Variants in FMNL2 observed in about 807,000 individuals in gnomAD.
FMNL2 encodes formin-like protein 2.
Under a neutral mutation model 130.2 loss-of-function variants are expected in FMNL2, and 51 were observed. The observed-to-expected ratio is 0.39, with a 90% CI of 0.31 to 0.49. The LOEUF is 0.49. Among genes scored for constraint, FMNL2 ranks in the 20% least tolerant of loss-of-function variants. The probability of loss-of-function intolerance (pLI) is 0.85; values close to 1 mark genes in which losing one functional copy is unlikely to be tolerated. For synonymous variants in FMNL2, 465 were observed against 467.1 expected, an observed-to-expected ratio of 1.00 and a Z score of 0.06; for missense variants, 977 against 1,316.2, an observed-to-expected ratio of 0.74 and a Z score of 3.99.
At chr2:152,469,417 T>C (rs2105172230) in intron 1 of FMNL2, among the ~76,000 whole-genome samples, 1 of 152,352 alleles carries the variant, frequency 6.6e-6, no homozygotes, top group East Asian at 1.9e-4. Context: ...TTCTGACTAC[T>C]TTTCTCTAGC....
chr2:152,483,767 T>C (rs771043342), intron 1 of FMNL2, among the ~76,000 whole-genome samples: 4 of 152,258 alleles, frequency 2.6e-5, no homozygotes, highest in Admixed American at 6.5e-5. Flanking sequence ...CACATGTTTC[T>C]AGACTACTGT....
At chr2:152,381,484 G>A (rs1684458903) in intron 1 of FMNL2, among the ~76,000 whole-genome samples, 1 of 152,198 alleles carries the variant, frequency 6.6e-6, no homozygotes, top group Admixed American at 6.5e-5. Context: ...TCACAGCAGA[G>A]ATCATATTTG....
At chr2:152,499,920 C>A (rs1019688307) in intron 1 of FMNL2, among the ~76,000 whole-genome samples, 1 of 152,042 alleles carries the variant, frequency 6.6e-6, no homozygotes, top group Non-Finnish European at 1.5e-5. Context: ...TGGCTAAAAC[C>A]CGACTCTGGA....
At chr2:152,409,149 A>G (rs1686153072) in intron 1 of FMNL2, among the ~76,000 whole-genome samples, 1 of 152,216 alleles carries the variant, frequency 6.6e-6, no homozygotes, top group African/African-American at 2.4e-5. Context: ...TCATTTATAT[A>G]ACAAGATACT....
intron 1 of FMNL2, among the ~76,000 whole-genome samples, chr2:152,418,219 A>G (rs963669748): frequency 9.9e-5 from 15 of 152,190 alleles, no homozygotes; most frequent in Admixed American, 4.6e-4. Flanking sequence ...CCCTTAGTCC[A>G]TTGCATTTAC....
intron 10 of FMNL2, among the ~76,000 whole-genome samples, chr2:152,610,583 A>G (rs13403239): frequency 0.44 from 67,203 of 152,086 alleles, 15,565 homozygotes; most frequent in East Asian, 0.63. Context: ...GGTTTTTATC[A>G]TTTAACATGT....
rs1181973448 is a variant in FMNL2, at chr2:152,431,210, T to A, written c.118-90733T>A. Among the ~76,000 whole-genome samples, 4 of 152,218 alleles carry A rather than the reference T, an allele frequency of 2.6e-5. No individual in the cohort carries two copies. The East Asian group carries it at 7.7e-4, about 29-fold the overall frequency. On this transcript the variant is annotated intron_variant, in intron 1 of 25. Transcript: ENST00000288670. ...GCTTTAAATCATCTTCCTTGAATAT[T>A]AATTCTCTGTTGCTTCCTCCAAAAA...
chr2:152,337,391 C>CTGTGTGTG (rs10524595), intron 1 of FMNL2, among the ~76,000 whole-genome samples: 129 of 143,538 alleles, frequency 9.0e-4, no homozygotes, highest in African/African-American at 2.6e-3. Context: ...CTGTGGTGCT[C>CTGTGTGTG]TGTGTGTGTG....
chr2:152,479,490 T>G (rs1021748756), intron 1 of FMNL2, among the ~76,000 whole-genome samples: 2 of 152,196 alleles, frequency 1.3e-5, no homozygotes, highest in Non-Finnish European at 2.9e-5. Flanking sequence ...TCAACATTAC[T>G]TCATCACCAG....
At chr2:152,521,760 T>G (rs1342569844) in intron 1 of FMNL2, among the ~76,000 whole-genome samples, 183 bp from the exon 2 acceptor site, 1 of 152,202 alleles carries the variant, frequency 6.6e-6, no homozygotes, top group African/African-American at 2.4e-5. Context: ...ATTTCCCGCC[T>G]CTCATCTAAC....
intron 25 of FMNL2, chr2:152,645,660 G>T: frequency 2.3e-6 from 1 of 430,780 alleles, no homozygotes; most frequent in South Asian, 2.0e-5. Flanking sequence ...ATGATGCAGG[G>T]ATTGAGCCTC....
intron 1 of FMNL2, among the ~76,000 whole-genome samples, chr2:152,372,426 A>T (rs1683940818): frequency 6.6e-6 from 1 of 152,196 alleles, no homozygotes. Context: ...TGCATTCTTT[A>T]TATGGTTCAT....
At chr2:152,534,244 T>C (rs1230050542) in intron 2 of FMNL2, among the ~76,000 whole-genome samples, 1 of 152,198 alleles carries the variant, frequency 6.6e-6, no homozygotes, top group East Asian at 1.9e-4. Flanking sequence ...TTATTGATTT[T>C]AGTGGAAAGC....
intron 1 of FMNL2, among the ~76,000 whole-genome samples, chr2:152,366,972 G>A (rs773549175): frequency 6.6e-6 from 1 of 152,178 alleles, no homozygotes; most frequent in Non-Finnish European, 1.5e-5. Context: ...GCAGCAGAGT[G>A]AGACCCTGTC....
chr2:152,396,712 C>T (rs1276224687), intron 1 of FMNL2, among the ~76,000 whole-genome samples: 1 of 152,186 alleles, frequency 6.6e-6, no homozygotes, highest in East Asian at 1.9e-4. Context: ...CTCTCCCCTC[C>T]TCAAGGGAAA....
At chr2:152,481,458 C>T (rs1008102641) in intron 1 of FMNL2, among the ~76,000 whole-genome samples, 3 of 152,100 alleles carry the variant, frequency 2.0e-5, no homozygotes, top group African/African-American at 4.8e-5. Flanking sequence ...ACTTTTCTAC[C>T]CTGGTATTTC....
intron 1 of FMNL2, among the ~76,000 whole-genome samples, chr2:152,412,446 TTA>T (rs56681937): frequency 1.8e-3 from 187 of 102,840 alleles, no homozygotes; most frequent in African/African-American, 5.0e-3. Context: ...TCTGTATATT[TTA>T]TATATATATA....
chr2:152,512,529 G>A (rs945451380), intron 1 of FMNL2, among the ~76,000 whole-genome samples: 4 of 152,166 alleles, frequency 2.6e-5, no homozygotes, highest in African/African-American at 9.7e-5. Context: ...AGCTTGGTCT[G>A]TATTGATGAT....
chr2:152,558,622 T>A (rs959106441), intron 4 of FMNL2, 118 bp from the exon 5 acceptor site: 37 of 852,772 alleles, frequency 4.3e-5, no homozygotes, highest in Middle Eastern at 2.5e-4. Context: ...TTCCTCCCTA[T>A]GTCCTTTCAG....
Sources: allele counts gnomAD v4.1 joint callset (sites outside exome capture counted in the v4.1 genomes callset), GRCh38; gene constraint gnomAD v4.1.1; transcripts MANE v1.5; gene names NCBI Gene and HGNC (gene_info 2026-07-23, HGNC 2026-07-21).